The following TTC29 variants were observed in gnomAD, a reference collection of about 807,000 sequenced individuals.
TTC29 encodes tetratricopeptide repeat protein 29.
In TTC29, 49 loss-of-function variants were observed where a neutral mutation model predicts 58.1. The ratio of observed to expected loss-of-function variants is 0.84; its 90% CI spans 0.67 to 1.07. The LOEUF (loss-of-function observed/expected upper bound fraction) is 1.07, where lower values mean the gene tolerates loss of function less well. TTC29 is among the 50% of genes least tolerant of loss of function. The pLI is 0.00. For synonymous variants in TTC29, 209 were observed against 196.8 expected (o/e 1.06, Z -0.52); for missense variants, 582 against 555.6 (o/e 1.05, Z -0.48).
intron 11 of TTC29, among the ~76,000 whole-genome samples, chr4:146,728,867 ATGTGTG>A (rs1561066902): frequency 2.1e-5 from 1 of 46,852 alleles, no homozygotes; most frequent in Non-Finnish European, 6.1e-5. Flanking sequence ...ACACATATAT[ATGTGTG>A]TGTATATATA....
chr4:146,877,927 G>T (rs1268255576), intron 6 of TTC29, among the ~76,000 whole-genome samples: 1 of 152,162 alleles, frequency 6.6e-6, no homozygotes, highest in Admixed American at 6.5e-5. Flanking sequence ...GGGGCAGAAA[G>T]GGGAGGTGAC....
chr4:146,780,470 A>G (rs908620392), intron 11 of TTC29, among the ~76,000 whole-genome samples: 3 of 152,038 alleles, frequency 2.0e-5, no homozygotes, highest in African/African-American at 7.2e-5. Flanking sequence ...TTTTGAGGCC[A>G]TCAATTTCCA....
chr4:146,912,264 C>G (rs188066243), intron 4 of TTC29, among the ~76,000 whole-genome samples: 2 of 152,258 alleles, frequency 1.3e-5, no homozygotes, highest in African/African-American at 4.8e-5. Flanking sequence ...GTTGTTACCC[C>G]AGGGGGTTAC....
At chr4:146,773,897 T>G (rs1240717225) in intron 11 of TTC29, among the ~76,000 whole-genome samples, 1 of 152,004 alleles carries the variant, frequency 6.6e-6, no homozygotes, top group Non-Finnish European at 1.5e-5. Context: ...TTCATAGGCT[T>G]TTTATCACTG....
rs560570588 is a variant in TTC29, at chr4:146,755,344, C to T, written c.1331-47793G>A. ...GCAATCCTTATCAAAATTCCAATGA[C>T]ATTCTTCACTGAAATAGGAAAAACA... is the stretch of plus-strand genomic sequence containing the variant. On this transcript the variant is annotated intron_variant, in intron 11 of 12. Coordinates refer to ENST00000325106, the MANE Select transcript of TTC29 (RefSeq NM_031956.4). Among the ~76,000 whole-genome samples the T allele has an allele frequency of 5.3e-5, 8 of 152,264 alleles. No homozygotes were observed. In the South Asian group the frequency reaches 1.4e-3, roughly 28 times the overall value.
chr4:146,801,167 C>T lies in TTC29; in HGVS notation c.1330+2290G>A, dbSNP rs76248558. Among the ~76,000 whole-genome samples the T allele has an allele frequency of 9.5e-4, 144 of 152,008 alleles. 4 individuals carry two copies. In the East Asian group the frequency reaches 0.025, roughly 26 times the overall value. On this transcript the variant is annotated intron_variant, in intron 11 of 12. Coordinates refer to ENST00000325106, the MANE Select transcript of TTC29 (RefSeq NM_031956.4). ...ATTTAATGAACAGGCAGTGGGGAGCCGAGGAAGATTTTTTAAGCAGAGCAG... is the reference window on the plus strand; with the variant it reads ...ATTTAATGAACAGGCAGTGGGGAGCTGAGGAAGATTTTTTAAGCAGAGCAG...
At chr4:146,913,490 G>T (rs1267886621) in intron 4 of TTC29, among the ~76,000 whole-genome samples, 5 of 150,036 alleles carry the variant, frequency 3.3e-5, no homozygotes, top group Admixed American at 3.3e-4. Flanking sequence ...AGTCTTGGTG[G>T]CATGGAAATT....
chr4:146,769,950 C>A (rs572906390), intron 11 of TTC29, among the ~76,000 whole-genome samples: 1 of 151,970 alleles, frequency 6.6e-6, no homozygotes, highest in Non-Finnish European at 1.5e-5. Context: ...AGTAGGCAGG[C>A]TAAACATCAT....
rs118191401 is a variant in TTC29 at position 146,935,361 on chromosome 4, T to C, written c.176+2233A>G. ...TTGTATTAATGAGTATACACAAATA[T>C]ATCGATCACCATCTTAAAGACACGA... is the stretch of plus-strand genomic sequence containing the variant. On this transcript the variant is annotated intron_variant, in intron 4 of 12. Transcript: ENST00000325106. 1.3e-3 allele frequency among the ~76,000 whole-genome samples: 191 copies of C among 152,298 alleles called. 2 individuals are homozygous for C. The East Asian group carries it at 0.034, about 27-fold the overall frequency.
chr4:146,838,335 T>C (rs1402878447), intron 8 of TTC29, among the ~76,000 whole-genome samples: 1 of 151,998 alleles, frequency 6.6e-6, no homozygotes. Context: ...TTAAGGATTA[T>C]TAATTTATTT....
At chr4:146,811,327 C>T (rs1751009146) in intron 10 of TTC29, among the ~76,000 whole-genome samples, 1 of 152,138 alleles carries the variant, frequency 6.6e-6, no homozygotes, top group Admixed American at 6.5e-5. Flanking sequence ...CATATTGAGC[C>T]TCAGAGAAAA....
chr4:146,713,902 C>A (rs1307306253), intron 11 of TTC29, among the ~76,000 whole-genome samples: 1 of 152,144 alleles, frequency 6.6e-6, no homozygotes, highest in Non-Finnish European at 1.5e-5. Context: ...GTCTATTAAT[C>A]TGTCCAGACA....
At position 146,927,707 on chromosome 4, in the gene TTC29, G is replaced by A. The variant is rs576959377; in HGVS notation, c.176+9887C>T. Among the ~76,000 whole-genome samples, 15 of 152,246 alleles carry A rather than the reference G, an allele frequency of 9.9e-5. No individual in the cohort carries two copies. In the South Asian group the frequency reaches 2.5e-3, roughly 25 times the overall value. On this transcript the variant is annotated intron_variant, in intron 4 of 12. Coordinates refer to ENST00000325106, the MANE Select transcript of TTC29 (RefSeq NM_031956.4). ...TCAAGATAGTTCAAACAGGAGTTCT[G>A]CTCTCTACCAAGTGTTTCAAAGGAG... is the stretch of plus-strand genomic sequence containing the variant.
chr4:146,894,065 C>G (rs936356109), intron 6 of TTC29, among the ~76,000 whole-genome samples: 1 of 152,112 alleles, frequency 6.6e-6, no homozygotes, highest in Non-Finnish European at 1.5e-5. Context: ...AATAGGAACA[C>G]TTTTACACTG....
At chr4:146,875,263 T>A (rs1263347607) in intron 6 of TTC29, among the ~76,000 whole-genome samples, 1 of 152,224 alleles carries the variant, frequency 6.6e-6, no homozygotes, top group East Asian at 1.9e-4. Context: ...ATGTATGCCA[T>A]GCACTCTGCT....
At chr4:146,711,885 C>T (rs908396180) in intron 11 of TTC29, among the ~76,000 whole-genome samples, 1 of 151,984 alleles carries the variant, frequency 6.6e-6, no homozygotes, top group Non-Finnish European at 1.5e-5. Context: ...TCTACAATGG[C>T]CTGCTTATAA....
chr4:146,901,846 G>T (rs1442050315), intron 6 of TTC29, among the ~76,000 whole-genome samples: 1 of 152,148 alleles, frequency 6.6e-6, no homozygotes, highest in African/African-American at 2.4e-5. Context: ...TGATTGTTAA[G>T]ACCTGGTTTT....
intron 11 of TTC29, among the ~76,000 whole-genome samples, chr4:146,710,650 T>C (rs1318813925): frequency 6.6e-6 from 1 of 152,104 alleles, no homozygotes; most frequent in Non-Finnish European, 1.5e-5. Context: ...TCTGTAGGAC[T>C]TCAAGGGAGC....
At chr4:146,711,611 G>A (rs373619967) in intron 11 of TTC29, among the ~76,000 whole-genome samples, 29 of 152,194 alleles carry the variant, frequency 1.9e-4, no homozygotes, top group Non-Finnish European at 2.8e-4. Flanking sequence ...TAAATACTGC[G>A]TATAAACTAT....
Sources: gnomAD v4.1 joint callset for allele counts (sites outside exome capture counted in the v4.1 genomes callset) on GRCh38, gnomAD v4.1.1 for gene constraint, MANE v1.5 for transcripts, NCBI Gene and HGNC (gene_info 2026-07-23, HGNC 2026-07-21) for gene names.